ZYG11B: variants seen among roughly 807,000 people sequenced by gnomAD.
ZYG11B encodes protein zyg-11 homolog B.
ZYG11B carries 36 observed loss-of-function variants against 82.4 expected under a neutral mutation model. That is an observed-to-expected ratio of 0.44 (90% confidence interval 0.33 to 0.58). ZYG11B has a LOEUF of 0.58. Ranked by LOEUF, ZYG11B falls within the 20% of genes least tolerant of loss-of-function variation. The probability of loss-of-function intolerance (pLI) is 0.02; values close to 1 mark genes in which losing one functional copy is unlikely to be tolerated. For missense variants in ZYG11B, 552 were observed against 895.6 expected (o/e 0.62, Z 4.90); for synonymous variants, 303 against 312.8 (o/e 0.97, Z 0.33).
intron 1 of ZYG11B, among the ~76,000 whole-genome samples, chr1:52,749,418 T>C (rs1644503182): frequency 6.6e-6 from 1 of 152,128 alleles, no homozygotes; most frequent in African/African-American, 2.4e-5. Flanking sequence ...AGAGGAAGAT[T>C]GGAACTAGCT....
At chr1:52,760,423 G>A (rs187563819) in intron 2 of ZYG11B, among the ~76,000 whole-genome samples, 6 of 151,668 alleles carry the variant, frequency 4.0e-5, no homozygotes, top group East Asian at 2.0e-4. Context: ...CAGCCTGGGC[G>A]ACAAGAATGA....
At chr1:52,804,014 A>C (rs899094026) in intron 10 of ZYG11B, among the ~76,000 whole-genome samples, 1 of 151,858 alleles carries the variant, frequency 6.6e-6, no homozygotes, top group African/African-American at 2.4e-5. Context: ...ATGAGGTGAG[A>C]GAATTGCTTG....
At chr1:52,807,029 C>T (rs559372959) in intron 10 of ZYG11B, among the ~76,000 whole-genome samples, 4 of 151,752 alleles carry the variant, frequency 2.6e-5, no homozygotes, top group South Asian at 2.1e-4. Flanking sequence ...CCTCTGTGTC[C>T]GGCAAATTTT....
Position 52,807,207 on chromosome 1 carries a change from G to T in ZYG11B, c.1695+5068G>T, listed in dbSNP as rs187200383. 2.4e-3 allele frequency among the ~76,000 whole-genome samples: 357 copies of T among 151,280 alleles called. 5 individuals carry two copies. Among genetic ancestry groups the T allele is most frequent in the Non-Finnish European group, 4.4e-4 (30 of 67,842 alleles). ...AGTAGAGACTGGGTTTCACCATGTT[G>T]TCCAGGCTGATCACGAACTTCTGAC... On this transcript the variant is annotated intron_variant, in intron 10 of 13. Transcript: ENST00000294353.
intron 10 of ZYG11B, among the ~76,000 whole-genome samples, chr1:52,808,665 C>G (rs1426805570): frequency 6.6e-6 from 1 of 152,120 alleles, no homozygotes; most frequent in African/African-American, 2.4e-5. Context: ...TGTGACCTGC[C>G]CATTTCCCTA....
At chr1:52,767,141 T>C (rs1644700187) in intron 2 of ZYG11B, among the ~76,000 whole-genome samples, 1 of 149,962 alleles carries the variant, frequency 6.7e-6, no homozygotes, top group Admixed American at 6.8e-5. Context: ...TGTTATTTTA[T>C]GTTGTTTTGT....
intron 1 of ZYG11B, among the ~76,000 whole-genome samples, chr1:52,735,938 G>A (rs6665324): frequency 0.5 from 76,498 of 151,888 alleles, 19,446 homozygotes; most frequent in East Asian, 0.62. Context: ...AAAGCAAAAA[G>A]CAGGTCCAGT....
intron 1 of ZYG11B, among the ~76,000 whole-genome samples, chr1:52,750,353 A>G (rs1644510733): frequency 6.6e-6 from 1 of 151,356 alleles, no homozygotes; most frequent in African/African-American, 2.4e-5. Context: ...GCTCACTGCA[A>G]CCTCCACCTC....
chr1:52,810,712 G>A (rs528434037), intron 10 of ZYG11B, among the ~76,000 whole-genome samples: 9 of 152,248 alleles, frequency 5.9e-5, no homozygotes, highest in Non-Finnish European at 1.2e-4. Context: ...TTGGCCAGAA[G>A]CAGGAGTGCT....
rs1209056683 is a variant in ZYG11B at position 52,822,040 on chromosome 1, G to C, written c.*411G>C. On this transcript the variant is annotated 3_prime_UTR_variant, in exon 14 of 14. Coordinates refer to ENST00000294353, the MANE Select transcript of ZYG11B (RefSeq NM_024646.3). ...CTGCTTCAGTTGTAAATTTTATACT[G>C]CTTCTGTATAAAATGCCTTTCTTCT... 1 of 156,250 alleles carries C rather than the reference G, an allele frequency of 6.4e-6. No homozygotes were observed. The highest frequency in any genetic ancestry group is 1.4e-5 in the Non-Finnish European group (1 of 71,034). 9.7% of individuals were successfully genotyped at this position (156,250 alleles called of 1,614,324 possible). A position where few individuals can be genotyped will look rare whatever the true frequency, so the allele number is the denominator to read the frequency against.
At chr1:52,811,050 A>AG (rs200152306) in intron 10 of ZYG11B, among the ~76,000 whole-genome samples, 41,766 of 130,542 alleles carry the variant, frequency 0.32, 6,944 homozygotes, top group East Asian at 0.51. Flanking sequence ...AAAAAAAAAA[A>AG]AAGAGAAATT....
intron 2 of ZYG11B, among the ~76,000 whole-genome samples, chr1:52,766,938 G>T (rs955427524): frequency 6.6e-6 from 1 of 151,422 alleles, no homozygotes; most frequent in African/African-American, 2.4e-5. Context: ...AACCCGGGAG[G>T]TAGAGCTTGC....
At chr1:52,791,661 G>A (rs1281359771) in intron 6 of ZYG11B, among the ~76,000 whole-genome samples, 1 of 152,152 alleles carries the variant, frequency 6.6e-6, no homozygotes, top group African/African-American at 2.4e-5. Flanking sequence ...GAGCCACTGC[G>A]CCTGGCCTTC....
chr1:52,731,486 A>T (rs1422713292), intron 1 of ZYG11B, among the ~76,000 whole-genome samples: 3 of 152,136 alleles, frequency 2.0e-5, no homozygotes, highest in African/African-American at 7.2e-5. Flanking sequence ...CAGGAATTTT[A>T]TATTTCTTAC....
intron 1 of ZYG11B, among the ~76,000 whole-genome samples, chr1:52,731,905 C>A (rs532127308): frequency 5.9e-5 from 9 of 152,294 alleles, no homozygotes; most frequent in African/African-American, 2.2e-4. Flanking sequence ...CAGGCCCAAG[C>A]CATCCTCCCG....
At chr1:52,728,089 C>T (rs1243685713) in intron 1 of ZYG11B, among the ~76,000 whole-genome samples, 1 of 152,206 alleles carries the variant, frequency 6.6e-6, no homozygotes, top group African/African-American at 2.4e-5. Flanking sequence ...TAACCTGTTT[C>T]TCCCTGTGGA....
rs765843659 is a variant in ZYG11B, at chr1:52,822,180, G to A, written c.*551G>A. The A allele has an allele frequency of 6.6e-6, 1 of 152,246 alleles. No individual in the cohort carries two copies. The highest frequency in any genetic ancestry group is 2.4e-5 in the African/African-American group (1 of 41,450). 9.4% of individuals were successfully genotyped at this position (152,246 alleles called of 1,614,324 possible). ...CTGGATGGCTGGCGGAAAGATATAT[G>A]AGAAAGAAAAATTATGAAGGTAGAA... On this transcript the variant is annotated 3_prime_UTR_variant, in exon 14 of 14. Coordinates refer to ENST00000294353, the MANE Select transcript of ZYG11B (RefSeq NM_024646.3).
At chr1:52,734,095 C>T (rs1644357828) in intron 1 of ZYG11B, among the ~76,000 whole-genome samples, 1 of 152,064 alleles carries the variant, frequency 6.6e-6, no homozygotes, top group Non-Finnish European at 1.5e-5. Context: ...AACTCCTGGG[C>T]TTAGATGATC....
chr1:52,765,185 C>A (rs775819170), intron 2 of ZYG11B, among the ~76,000 whole-genome samples: 1 of 151,634 alleles, frequency 6.6e-6, no homozygotes, highest in Non-Finnish European at 1.5e-5. Context: ...CCACATCCAG[C>A]CTATCTTTTT....
Sources: allele counts gnomAD v4.1 joint callset (sites outside exome capture counted in the v4.1 genomes callset), GRCh38; gene constraint gnomAD v4.1.1; transcripts MANE v1.5; gene names NCBI Gene and HGNC (gene_info 2026-07-23, HGNC 2026-07-21).